SPATA6L: variants seen among roughly 807,000 people sequenced by gnomAD.
SPATA6L encodes spermatogenesis associated 6 like.
SPATA6L carries 68 observed loss-of-function variants against 49.2 expected under a neutral mutation model. The ratio of observed to expected loss-of-function variants is 1.38; its 90% CI spans 1.14 to 1.69. The LOEUF (loss-of-function observed/expected upper bound fraction) is 1.69. Among genes scored for constraint, SPATA6L ranks in the 40% most tolerant of loss-of-function variants. The probability of loss-of-function intolerance (pLI) is 0.00; values close to 1 mark genes in which losing one functional copy is unlikely to be tolerated. For synonymous variants in SPATA6L, 198 were observed against 165.7 expected (o/e 1.19, Z -1.50); for missense variants, 668 against 464.3 (o/e 1.44, Z -4.03).
chr9:4,641,688 G>A (rs945563599), intron 3 of SPATA6L, among the ~76,000 whole-genome samples: 6 of 152,272 alleles, frequency 3.9e-5, no homozygotes, highest in African/African-American at 1.2e-4. Context: ...TAGGGTATGC[G>A]CGTGCATGTG....
intron 3 of SPATA6L, among the ~76,000 whole-genome samples, chr9:4,645,245 T>C (rs1010073437): frequency 6.6e-6 from 1 of 152,130 alleles, no homozygotes; most frequent in Non-Finnish European, 1.5e-5. Flanking sequence ...TAAAAGCAAA[T>C]ATACAACAAT....
rs144647331 is a variant in SPATA6L, at chr9:4,623,236, T to C, written c.670-726A>G. ...CGAAGATTGCGGTGAGCTGAGATCA[T>C]GCCATTGTACTCCAGCCTGGGCAAC... On this transcript the variant is annotated intron_variant, in intron 6 of 11. Transcript: ENST00000682582. 3.2e-3 allele frequency among the ~76,000 whole-genome samples: 487 copies of C among 152,194 alleles called. 3 individuals are homozygous for C. The highest frequency in any genetic ancestry group is 0.011 in the African/African-American group (452 of 41,516).
At chr9:4,610,047 T>C (rs1382307779) in intron 9 of SPATA6L, among the ~76,000 whole-genome samples, 5 of 151,918 alleles carry the variant, frequency 3.3e-5, no homozygotes, top group Non-Finnish European at 7.4e-5. Context: ...CCATTCACAA[T>C]TGCTTCAAAG....
rs1017440508 is a variant in SPATA6L, at chr9:4,662,291, G to A, written c.40-255C>T. On this transcript the variant is annotated intron_variant, in intron 1 of 11. Coordinates refer to ENST00000682582, the MANE Select transcript of SPATA6L (RefSeq NM_001353486.2). The surrounding 1 kb of genome is among the most constrained non-coding windows in gnomAD (Gnocchi z 4.9). ...GCTCCTCTCCCCGCCCCTCCGGGAT[G>A]GTAGTGCGGAAGCGGAAGAGGCTGC... 9 of 1,434,296 alleles carry A rather than the reference G, an allele frequency of 6.3e-6. No homozygotes were observed. The African/African-American group carries it at 1.3e-4, about 21-fold the overall frequency. 88.8% of individuals were successfully genotyped at this position (1,434,296 alleles called of 1,614,324 possible). A position where few individuals can be genotyped will look rare whatever the true frequency, so the allele number is the denominator to read the frequency against.
chr9:4,630,327 A>G, intron 4 of SPATA6L, among the ~76,000 whole-genome samples: 1 of 152,208 alleles, frequency 6.6e-6, no homozygotes, highest in South Asian at 2.1e-4. Context: ...GCTTTCCCCA[A>G]AAAACAGGCC....
chr9:4,637,933 C>T (rs887324042), intron 3 of SPATA6L, among the ~76,000 whole-genome samples: 1 of 152,182 alleles, frequency 6.6e-6, no homozygotes, highest in Non-Finnish European at 1.5e-5. Flanking sequence ...CCAACTCTTA[C>T]CCTTCATTCA....
chr9:4,644,904 G>C (rs1234655244), intron 3 of SPATA6L, among the ~76,000 whole-genome samples: 2 of 152,186 alleles, frequency 1.3e-5, no homozygotes, highest in Non-Finnish European at 2.9e-5. Context: ...CATGATTCTA[G>C]CACAGGGGTC....
At chr9:4,632,963 A>G (rs1309676735) in intron 4 of SPATA6L, 1 of 152,274 alleles carries the variant, frequency 6.6e-6, no homozygotes, top group Non-Finnish European at 1.5e-5. Context: ...TTTATTGTAT[A>G]CAAATAAATA....
At chr9:4,636,106 C>G (rs534837230) in intron 3 of SPATA6L, among the ~76,000 whole-genome samples, 1 of 142,064 alleles carries the variant, frequency 7.0e-6, no homozygotes, top group Admixed American at 7.2e-5. Context: ...CATGTAAACA[C>G]AAAGCCTTTT....
Position 4,604,108 on chromosome 9 carries a change from G to A in SPATA6L, c.*1+71C>T, listed in dbSNP as rs1371679288. On this transcript the variant is annotated intron_variant, in intron 11 of 11. Transcript: ENST00000682582. ...TCTAGTTACTTCATATTGATAGGAG[G>A]AAACTGAAATTCTTTTAGCAAACCA... 3.4e-5 allele frequency: 35 copies of A among 1,019,972 alleles called. No homozygotes were observed. The Middle Eastern group carries it at 7.9e-4, about 23-fold the overall frequency. The allele number at this position is 1,019,972 out of a possible 1,614,324, so 63.2% of individuals were successfully genotyped here.
intron 3 of SPATA6L, among the ~76,000 whole-genome samples, chr9:4,636,790 A>G (rs573088356): frequency 6.6e-6 from 1 of 152,290 alleles, no homozygotes; most frequent in East Asian, 1.9e-4. Flanking sequence ...GCAAAAAGAA[A>G]TTATTCTATA....
At position 4,662,914 on chromosome 9, in the gene SPATA6L, T is replaced by G; in HGVS notation, c.40-878A>C. ...GCCCTGCTGTTGGACCTGCTGCTGG[T>G]GGCCTTGATCAAAGGGCTGGTCCGC... On this transcript the variant is annotated intron_variant, in intron 1 of 11. Coordinates refer to ENST00000682582, the MANE Select transcript of SPATA6L (RefSeq NM_001353486.2). This position sits in a 1 kb window ranked among gnomAD's most constrained non-coding sequence, Gnocchi z 4.9. 2 of 1,609,794 alleles carry G rather than the reference T, an allele frequency of 1.2e-6. No homozygotes were observed. Among genetic ancestry groups the G allele is most frequent in the Non-Finnish European group, 8.5e-7 (1 of 1,179,958 alleles).
chr9:4,649,801 A>G (rs1836387692), intron 3 of SPATA6L, among the ~76,000 whole-genome samples: 2 of 152,238 alleles, frequency 1.3e-5, no homozygotes, highest in African/African-American at 4.8e-5. Flanking sequence ...ATGTCCTTTT[A>G]TGCTTCATTA....
At chr9:4,655,994 C>T (rs1340504925) in intron 3 of SPATA6L, 47 bp downstream of exon 3, 6 of 1,442,226 alleles carry the variant, frequency 4.2e-6, no homozygotes, top group East Asian at 4.6e-5. Flanking sequence ...CTGTGAATTA[C>T]ACACAATAGT....
At chr9:4,594,459 G>A (rs138845950), downstream of SPATA6L, among the ~76,000 whole-genome samples, 2,153 of 152,284 alleles carry the variant, frequency 0.014, 39 homozygotes, top group African/African-American at 0.048. Flanking sequence ...TGATCTGCCT[G>A]CCTCAGCCTC....
chr9:4,608,843 T>C (rs969719437), intron 9 of SPATA6L, among the ~76,000 whole-genome samples: 10 of 151,870 alleles, frequency 6.6e-5, no homozygotes, highest in East Asian at 1.9e-4. Context: ...TTCAAAAAAT[T>C]AATGAATCCA....
chr9:4,649,034 C>T (rs1384813631), intron 3 of SPATA6L, among the ~76,000 whole-genome samples: 3 of 76,702 alleles, frequency 3.9e-5, no homozygotes, highest in Non-Finnish European at 6.6e-5. Context: ...GAGTAGTATT[C>T]CATCATATAT....
chr9:4,662,115 T>C lies in SPATA6L; in HGVS notation c.40-79A>G. The C allele has an allele frequency of 6.4e-7, 1 of 1,553,776 alleles. No individual in the cohort carries two copies. The highest frequency in any genetic ancestry group is 1.2e-5 in the South Asian group (1 of 83,040). ...TTTGTTACACGGGGCTCTATTTCTC[T>C]TAAGCTCCTACAGACACTGACATTT... On this transcript the variant is annotated intron_variant, in intron 1 of 11. Transcript: ENST00000682582. This position sits in a 1 kb window ranked among gnomAD's most constrained non-coding sequence, Gnocchi z 4.9.
intron 9 of SPATA6L, among the ~76,000 whole-genome samples, chr9:4,616,341 C>G (rs1475605163): frequency 1.3e-5 from 2 of 152,148 alleles, no homozygotes; most frequent in Admixed American, 6.5e-5. Flanking sequence ...TCACCCAGCA[C>G]TTAGAGACAC....
Sources: gnomAD v4.1 joint callset for allele counts (sites outside exome capture counted in the v4.1 genomes callset) on GRCh38, gnomAD v4.1.1 for gene constraint, Gnocchi (gnomAD v3.1) non-coding constraint, MANE v1.5 for transcripts, NCBI Gene and HGNC (gene_info 2026-07-23, HGNC 2026-07-21) for gene names.